RAB8B: variants seen among roughly 807,000 people sequenced by gnomAD.
RAB8B encodes the protein RAB8B, member RAS oncogene family.
A neutral mutation model predicts 32.0 loss-of-function variants in RAB8B; 11 were observed. That is an observed-to-expected ratio of 0.34 (90% CI 0.22 to 0.57). The LOEUF (loss-of-function observed/expected upper bound fraction) is 0.57, where lower values mean the gene tolerates loss of function less well. RAB8B is among the 20% of genes least tolerant of loss of function. The pLI, the probability that RAB8B is intolerant of heterozygous loss-of-function variation, is 0.86. For synonymous variants in RAB8B, 103 were observed against 89.6 expected (o/e 1.15, Z -0.85); for missense variants, 190 against 258.5 (o/e 0.73, Z 1.82).
intron 1 of RAB8B, among the ~76,000 whole-genome samples, chr15:63,194,110 G>A (rs1158138126): frequency 6.6e-6 from 1 of 151,994 alleles, no homozygotes; most frequent in Non-Finnish European, 1.5e-5. Flanking sequence ...GGTATTTCCT[G>A]AGTGGTTTCA....
chr15:63,222,623 C>T (rs376619883), intron 1 of RAB8B, among the ~76,000 whole-genome samples: 37 of 152,280 alleles, frequency 2.4e-4, no homozygotes, highest in Non-Finnish European at 3.5e-4. Context: ...CTGCAACCTC[C>T]GCTTCCTGGG....
At chr15:63,204,991 C>T (rs1186893378) in intron 1 of RAB8B, among the ~76,000 whole-genome samples, 1 of 150,136 alleles carries the variant, frequency 6.7e-6, no homozygotes, top group Admixed American at 6.6e-5. Context: ...GACCTCATCT[C>T]TACAAAAAAA....
At chr15:63,207,044 G>A (rs1343474429) in intron 1 of RAB8B, among the ~76,000 whole-genome samples, 1 of 151,928 alleles carries the variant, frequency 6.6e-6, no homozygotes, top group Non-Finnish European at 1.5e-5. Flanking sequence ...TCTTCTAACC[G>A]CTCCTCCCCT....
In RAB8B at chr15:63,266,056, A is replaced by T. The variant is rs1210311957; in HGVS notation, c.*2437A>T. The T allele has an allele frequency of 6.6e-6, 1 of 152,586 alleles. No individual in the cohort carries two copies. Among genetic ancestry groups the T allele is most frequent in the Admixed American group, 6.5e-5 (1 of 15,274 alleles). The allele number at this position is 152,586 out of a possible 1,614,324, so 9.5% of individuals were successfully genotyped here. Reference sequence around the variant, plus strand: ...TATTCCACTTTGCTTAATAATGTACATACAGTGCATTATTTTTTCTATTTG... The same window carrying T: ...TATTCCACTTTGCTTAATAATGTACTTACAGTGCATTATTTTTTCTATTTG... On this transcript the variant is annotated 3_prime_UTR_variant, in exon 8 of 8. Coordinates refer to ENST00000321437, the MANE Select transcript of RAB8B (RefSeq NM_016530.3).
chr15:63,202,769 TG>T (rs1335152210), intron 1 of RAB8B, among the ~76,000 whole-genome samples: 2 of 152,238 alleles, frequency 1.3e-5, no homozygotes, highest in Non-Finnish European at 2.9e-5. Context: ...AGCTTTTGTT[TG>T]TAAAAACCTT....
In RAB8B at chr15:63,227,089, T is replaced by C. The variant is rs188521574; in HGVS notation, c.125-17667T>C. ...GCTGGTTCCTTTAGGGCAAACTGTT[T>C]TATCAGCAAGGTCTTTATGAGCTTT... is the stretch of plus-strand genomic sequence containing the variant. On this transcript the variant is annotated intron_variant, in intron 1 of 7. Coordinates refer to ENST00000321437, the MANE Select transcript of RAB8B (RefSeq NM_016530.3). Among the ~76,000 whole-genome samples the C allele has an allele frequency of 5.3e-5, 8 of 152,276 alleles. No homozygotes were observed. The East Asian group carries it at 1.5e-3, about 29-fold the overall frequency.
At chr15:63,197,365 CT>C (rs2037610287) in intron 1 of RAB8B, among the ~76,000 whole-genome samples, 2 of 85,574 alleles carry the variant, frequency 2.3e-5, no homozygotes, top group Admixed American at 1.2e-4. Flanking sequence ...TTCTTTCTTT[CT>C]TTTCTTTTTT....
Position 63,259,029 on chromosome 15 carries a change from A to G in RAB8B, c.415-598A>G, listed in dbSNP as rs959335998. On this transcript the variant is annotated intron_variant, in intron 5 of 7. Transcript: ENST00000321437. This position sits in a 1 kb window ranked among gnomAD's most constrained non-coding sequence, Gnocchi z 4.4. ...CCCTGCCTCCAGACCCTATTCTGCT[A>G]CCTTAGGAGGGTGGGTATTTATCCC... Among the ~76,000 whole-genome samples, 10 of 152,276 alleles carry G rather than the reference A, an allele frequency of 6.6e-5. No homozygotes were observed. The highest frequency in any genetic ancestry group is 1.2e-4 in the Non-Finnish European group (8 of 68,014).
At chr15:63,246,852 G>A (rs12437612) in intron 2 of RAB8B, among the ~76,000 whole-genome samples, 1 of 152,190 alleles carries the variant, frequency 6.6e-6, no homozygotes, top group African/African-American at 2.4e-5. Flanking sequence ...AGGAGCCCCA[G>A]CCACCAGTTA....
chr15:63,229,374 C>T (rs966826459), intron 1 of RAB8B, among the ~76,000 whole-genome samples: 2 of 152,180 alleles, frequency 1.3e-5, no homozygotes, highest in East Asian at 3.9e-4. Flanking sequence ...ATGTGTCAGT[C>T]ATTTGGGGTG....
chr15:63,221,925 C>G (rs1373482247), intron 1 of RAB8B, among the ~76,000 whole-genome samples: 2 of 152,208 alleles, frequency 1.3e-5, no homozygotes, highest in South Asian at 2.1e-4. Flanking sequence ...CCCAAAATCT[C>G]AGTTGCTTGT....
At chr15:63,202,078 C>T in intron 1 of RAB8B, among the ~76,000 whole-genome samples, 1 of 125,154 alleles carries the variant, frequency 8.0e-6, no homozygotes. Flanking sequence ...ACGGTGAAAC[C>T]CCGTCTCTAC....
At position 63,259,556 on chromosome 15, in the gene RAB8B, C is replaced by A; in HGVS notation, c.415-71C>A. The A allele has an allele frequency of 1.5e-6, 2 of 1,379,266 alleles. No individual in the cohort carries two copies. The highest frequency in any genetic ancestry group is 2.0e-6 in the Non-Finnish European group (2 of 979,590). The allele number at this position is 1,379,266 out of a possible 1,614,324, so 85.4% of individuals were successfully genotyped here. ...CCCTACCTTTGAGACTTTGAAAAAC[C>A]TAAGAAATACAAATGCATTATGTGT... is the stretch of plus-strand genomic sequence containing the variant. On this transcript the variant is annotated intron_variant, in intron 5 of 7. Transcript: ENST00000321437. This position sits in a 1 kb window ranked among gnomAD's most constrained non-coding sequence, Gnocchi z 4.4.
chr15:63,236,100 A>G (rs1404613465), intron 1 of RAB8B, among the ~76,000 whole-genome samples: 1 of 152,196 alleles, frequency 6.6e-6, no homozygotes, highest in Non-Finnish European at 1.5e-5. Context: ...TCTTAGCCAC[A>G]CAGACAGGAC....
chr15:63,208,730 T>G (rs77553860), intron 1 of RAB8B, among the ~76,000 whole-genome samples: 1,777 of 152,186 alleles, frequency 0.012, 37 homozygotes, highest in African/African-American at 0.041. Context: ...TGAGGCCATG[T>G]CAGAATTGTC....
intron 1 of RAB8B, among the ~76,000 whole-genome samples, chr15:63,221,774 G>A (rs1048677382): frequency 6.6e-6 from 1 of 152,152 alleles, no homozygotes; most frequent in African/African-American, 2.4e-5. Context: ...TAGTGGAAAT[G>A]TCTTCAAAGC....
intron 6 of RAB8B, among the ~76,000 whole-genome samples, chr15:63,261,594 A>G (rs1325942778): frequency 6.6e-6 from 1 of 152,256 alleles, no homozygotes; most frequent in Admixed American, 6.5e-5. Flanking sequence ...TGAGCTGCTT[A>G]TTCTAGCAAG....
chr15:63,223,532 A>G (rs1234502800), intron 1 of RAB8B, among the ~76,000 whole-genome samples: 1 of 152,236 alleles, frequency 6.6e-6, no homozygotes, highest in African/African-American at 2.4e-5. Flanking sequence ...GTAGCATACT[A>G]TATAAGTTTG....
At chr15:63,202,269 C>T (rs923924985) in intron 1 of RAB8B, among the ~76,000 whole-genome samples, 3 of 131,198 alleles carry the variant, frequency 2.3e-5, no homozygotes, top group Non-Finnish European at 3.3e-5. Context: ...CAGAGCGAGA[C>T]TCCGTCTCAA....
Sources: gnomAD v4.1 joint callset for allele counts (sites outside exome capture counted in the v4.1 genomes callset) on GRCh38, gnomAD v4.1.1 for gene constraint, Gnocchi (gnomAD v3.1) non-coding constraint, MANE v1.5 for transcripts, NCBI Gene and HGNC (gene_info 2026-07-23, HGNC 2026-07-21) for gene names.